SHANK2: variants seen among roughly 807,000 people sequenced by gnomAD.
SHANK2 encodes the protein SH3 and multiple ankyrin repeat domains protein 2.
SHANK2 carries 43 observed loss-of-function variants against 133.7 expected under a neutral mutation model. The ratio of observed to expected loss-of-function variants is 0.32; its 90% confidence interval spans 0.25 to 0.41. The LOEUF (loss-of-function observed/expected upper bound fraction) is 0.41, where lower values mean the gene tolerates loss of function less well. SHANK2 is among the 10% of genes least tolerant of loss of function. SHANK2 has a pLI of 1.00. For missense variants in SHANK2, 1,994 were observed against 2,235.8 expected (o/e 0.89, Z 2.18); for synonymous variants, 1,017 against 952.8 (o/e 1.07, Z -1.24).
chr11:70,828,599 T>C (rs115664319), intron 11 of SHANK2, among the ~76,000 whole-genome samples: 6,079 of 152,304 alleles, frequency 0.04, 356 homozygotes, highest in African/African-American at 0.13. Context: ...TGACGATGTG[T>C]CCTCCGGGTG....
chr11:70,804,783 C>T lies in SHANK2; in HGVS notation c.1663+2219G>A, dbSNP rs1555051496. Among the ~76,000 whole-genome samples the T allele has an allele frequency of 6.6e-6, 1 of 152,152 alleles. No individual in the cohort carries two copies. The highest frequency in any genetic ancestry group is 6.5e-5 in the Admixed American group (1 of 15,284). The stretch of plus-strand genomic sequence containing the variant: ...GGATTCGCCTGCCATGTCCCAGGAC[C>T]CCTGCGAGTCCTGGGTCCTCAAGTC... On this transcript the variant is annotated intron_variant, in intron 13 of 25. Coordinates refer to ENST00000601538, the MANE Select transcript of SHANK2 (RefSeq NM_012309.5). This position sits in a 1 kb window ranked among gnomAD's most constrained non-coding sequence, Gnocchi z 4.1.
At chr11:70,950,055 T>C in intron 10 of SHANK2, 1 of 456,672 alleles carries the variant, frequency 2.2e-6, no homozygotes, top group South Asian at 1.5e-5. Flanking sequence ...ACAAGGCAGT[T>C]GCCTTCAGCC....
chr11:70,478,582 C>T (rs1203216741), intron 25 of SHANK2, among the ~76,000 whole-genome samples: 1 of 152,210 alleles, frequency 6.6e-6, no homozygotes, highest in African/African-American at 2.4e-5. Flanking sequence ...CCGGAGGCAG[C>T]AAGTCCTTAC....
rs891852873 is a variant in SHANK2, at chr11:70,473,081, T to C, written c.5338A>G (p.Thr1780Ala). The stretch of plus-strand genomic sequence containing the variant: ...TTAGTCCACAGGTGGACAGGTTTAG[T>C]TGTAAAAGGCTTATTTGAGATTGGC... The part of the protein sequence containing the change: ...QQPISNKPFT[T>A]KPVHLWTKPD... The change falls in exon 26 of 26, where the codon ACT (threonine) becomes GCT (alanine). Residue 1780 changes from threonine to alanine, a missense_variant. Physicochemically the swap from Thr to Ala is moderately conservative, Grantham distance 58. Coordinates refer to ENST00000601538, the MANE Select transcript of SHANK2 (RefSeq NM_012309.5). This position sits in a 1 kb window ranked among gnomAD's most constrained non-coding sequence, Gnocchi z 5.9. The C allele has an allele frequency of 2.6e-5, 42 of 1,614,068 alleles. No homozygotes were observed. Among genetic ancestry groups the C allele is most frequent in the Admixed American group, 3.3e-5 (2 of 59,996 alleles).
At chr11:71,097,291 C>T (rs1951633301) in intron 6 of SHANK2, among the ~76,000 whole-genome samples, 1 of 152,080 alleles carries the variant, frequency 6.6e-6, no homozygotes, top group African/African-American at 2.4e-5. Context: ...ATGGAATCAC[C>T]CCCGAGAAGA....
chr11:70,631,375 T>TACACAC (rs56370058), intron 17 of SHANK2: 13,429 of 143,318 alleles, frequency 0.094, 702 homozygotes, highest in South Asian at 0.12. Context: ...TTCCCGGAGT[T>TACACAC]ACACACACAC....
rs1278335435 is a variant in SHANK2, at chr11:71,073,629, G to A, written c.1029+1530C>T. Among the ~76,000 whole-genome samples, 17 of 152,088 alleles carry A rather than the reference G, an allele frequency of 1.1e-4. 1 individual carries two copies. In the East Asian group the frequency reaches 1.2e-3, roughly 10 times the overall value. On this transcript the variant is annotated intron_variant, in intron 9 of 25. Coordinates refer to ENST00000601538, the MANE Select transcript of SHANK2 (RefSeq NM_012309.5). ...ACCACAGGCACATGCCACCATACCC[G>A]GCTGATTTTTAAAATTTTGTAGAGA...
chr11:70,742,818 G>A (rs887074286), intron 14 of SHANK2, among the ~76,000 whole-genome samples: 1 of 152,228 alleles, frequency 6.6e-6, no homozygotes, highest in Non-Finnish European at 1.5e-5. Flanking sequence ...TGGGGGCGGG[G>A]GCTGGAGTCT....
At chr11:71,139,980 C>T (rs1484786201) in intron 3 of SHANK2, among the ~76,000 whole-genome samples, 2 of 152,198 alleles carry the variant, frequency 1.3e-5, no homozygotes, top group Non-Finnish European at 2.9e-5. Context: ...GGTGCTTCTC[C>T]AGCACCAACT....
intron 11 of SHANK2, chr11:70,826,449 C>T (rs781916617): frequency 4.2e-6 from 2 of 471,064 alleles, no homozygotes; most frequent in East Asian, 1.4e-4. Flanking sequence ...ACCCGGCTCC[C>T]GACAGCTTTT....
At chr11:70,677,945 C>A (rs17428065) in intron 15 of SHANK2, among the ~76,000 whole-genome samples, 2,213 of 152,326 alleles carry the variant, frequency 0.015, 27 homozygotes, top group Non-Finnish European at 0.022. Flanking sequence ...CTTCCACCAT[C>A]TCCACTGGCA....
intron 9 of SHANK2, among the ~76,000 whole-genome samples, chr11:71,070,564 A>G: frequency 6.6e-6 from 1 of 152,090 alleles, no homozygotes; most frequent in East Asian, 1.9e-4. Flanking sequence ...GAAGCCACTC[A>G]ATCCTGGGGA....
intron 2 of SHANK2, among the ~76,000 whole-genome samples, chr11:71,208,112 T>G (rs1189529797): frequency 3.9e-5 from 6 of 152,124 alleles, no homozygotes; most frequent in East Asian, 3.9e-4. Context: ...TAGTCCAGCG[T>G]CCCTGTACTT....
chr11:71,138,091 C>T (rs1370083388), intron 3 of SHANK2, among the ~76,000 whole-genome samples: 1 of 143,218 alleles, frequency 7.0e-6, no homozygotes, highest in Admixed American at 7.2e-5. Flanking sequence ...CAGCAAAGCA[C>T]CCGAACACAG....
intron 9 of SHANK2, among the ~76,000 whole-genome samples, chr11:71,065,267 G>T (rs1332715110): frequency 1.3e-5 from 2 of 151,638 alleles, no homozygotes; most frequent in Non-Finnish European, 2.9e-5. Context: ...ACTCTTCCAG[G>T]GAGATAAACA....
intron 10 of SHANK2, among the ~76,000 whole-genome samples, chr11:70,916,368 G>A (rs1444663573): frequency 2.6e-5 from 4 of 152,128 alleles, no homozygotes; most frequent in Admixed American, 6.5e-5. Context: ...AGTACCCCTC[G>A]CCAACCCGGC....
intron 15 of SHANK2, among the ~76,000 whole-genome samples, chr11:70,686,776 G>A (rs938601018): frequency 6.6e-6 from 1 of 152,208 alleles, no homozygotes; most frequent in Non-Finnish European, 1.5e-5. Flanking sequence ...CTGCTTCCTG[G>A]AGGAAGGCCC....
intron 17 of SHANK2, among the ~76,000 whole-genome samples, chr11:70,552,832 C>T (rs1024459334): frequency 6.6e-6 from 1 of 152,138 alleles, no homozygotes; most frequent in African/African-American, 2.4e-5. Flanking sequence ...GACCCAGTTC[C>T]GGAAGCCTCT....
At chr11:70,586,756 G>A (rs566520615) in intron 17 of SHANK2, among the ~76,000 whole-genome samples, 1 of 152,322 alleles carries the variant, frequency 6.6e-6, no homozygotes, top group Admixed American at 6.5e-5. Context: ...CTCGCAGCTG[G>A]AGCCGGGAGT....
Sources: allele counts gnomAD v4.1 joint callset (sites outside exome capture counted in the v4.1 genomes callset), GRCh38; gene constraint gnomAD v4.1.1; non-coding constraint Gnocchi (gnomAD v3.1); transcripts MANE v1.5; gene names NCBI Gene and HGNC (gene_info 2026-07-23, HGNC 2026-07-21).